The following PHKB variants were observed in gnomAD, a reference collection of about 807,000 sequenced individuals.
PHKB encodes the protein phosphorylase kinase regulatory subunit beta, also known as phosphorylase b kinase regulatory subunit beta.
A neutral mutation model predicts 152.1 loss-of-function variants in PHKB; 122 were observed. The ratio of observed to expected loss-of-function variants is 0.80; its 90% confidence interval spans 0.69 to 0.93. The LOEUF is 0.93. PHKB is among the 40% of genes least tolerant of loss of function. The probability of loss-of-function intolerance (pLI) is 0.00; values close to 1 mark genes in which losing one functional copy is unlikely to be tolerated. For synonymous variants in PHKB, 436 were observed against 464.9 expected (o/e 0.94, Z 0.80); for missense variants, 1,304 against 1,328.4 (o/e 0.98, Z 0.29).
intron 14 of PHKB, among the ~76,000 whole-genome samples, chr16:47,613,373 C>T (rs1172364443): frequency 6.6e-6 from 1 of 152,112 alleles, no homozygotes; most frequent in Non-Finnish European, 1.5e-5. Context: ...TGTTGCCAAC[C>T]AGGGAAGCTT....
chr16:47,669,161 TTTTTATC>T (rs932089716), intron 25 of PHKB, 47 bp from the exon 26 acceptor site: 2 of 1,417,362 alleles, frequency 1.4e-6, no homozygotes, highest in African/African-American at 2.8e-5. Flanking sequence ...TTTTTTTTAA[TTTTTATC>T]TTTTAGTAGC....
At chr16:47,655,962 C>T (rs1373674337) in intron 20 of PHKB, among the ~76,000 whole-genome samples, 1 of 151,928 alleles carries the variant, frequency 6.6e-6, no homozygotes, top group Non-Finnish European at 1.5e-5. Flanking sequence ...AGTTGTGTTT[C>T]AGAAATTATA....
At chr16:47,526,659 G>T (rs1384335928) in intron 6 of PHKB, among the ~76,000 whole-genome samples, 1 of 152,088 alleles carries the variant, frequency 6.6e-6, no homozygotes, top group Non-Finnish European at 1.5e-5. Context: ...TTATTTTATG[G>T]TTTTTCAAGA....
intron 14 of PHKB, among the ~76,000 whole-genome samples, chr16:47,629,432 A>T (rs1972779906): frequency 6.6e-6 from 1 of 152,110 alleles, no homozygotes; most frequent in Non-Finnish European, 1.5e-5. Flanking sequence ...AATGGTCATC[A>T]TCACTGGCCA....
At chr16:47,688,003 T>C (rs1044069611) in intron 26 of PHKB, among the ~76,000 whole-genome samples, 2 of 152,216 alleles carry the variant, frequency 1.3e-5, no homozygotes, top group Admixed American at 1.3e-4. Flanking sequence ...AGGACTTCAA[T>C]CTTTTGAATA....
intron 4 of PHKB, among the ~76,000 whole-genome samples, chr16:47,506,903 C>T (rs1970429254): frequency 6.6e-6 from 1 of 152,176 alleles, no homozygotes; most frequent in Non-Finnish European, 1.5e-5. Context: ...AGCTGTCATG[C>T]TCTGCTGGTT....
Position 47,526,378 on chromosome 16 carries a change from C to G in PHKB, c.594+10777C>G, listed in dbSNP as rs186842395. ...TGAGCCGAGATCGTGCCATTGCACT[C>G]CAGCCCGGGCGACAGAGTGAGATTC... On this transcript the variant is annotated intron_variant, in intron 6 of 30. Coordinates refer to ENST00000323584, the MANE Select transcript of PHKB (RefSeq NM_000293.3). Among the ~76,000 whole-genome samples the G allele has an allele frequency of 3.3e-5, 5 of 152,016 alleles. No homozygotes were observed. In the East Asian group the frequency reaches 7.7e-4, roughly 23 times the overall value.
At chr16:47,597,635 C>CG (rs1047903860) in intron 13 of PHKB, among the ~76,000 whole-genome samples, 5 of 146,036 alleles carry the variant, frequency 3.4e-5, no homozygotes, top group South Asian at 2.2e-4. Context: ...ATTTCCAAAG[C>CG]GGGGGGGAAA....
In PHKB at chr16:47,515,589, C is replaced by T. The variant is rs1430876983; in HGVS notation, c.582C>T (p.Tyr194=). ...EMISSGLQII[Y]NTDEVSFIQN... is the part of the protein sequence containing the mutation. The stretch of plus-strand genomic sequence containing the variant: ...TTTCCTCAGGACTCCAGATTATCTA[C>T]AACACTGATGAGGTATGCTTTCCCC... The change falls in exon 6 of 31, where the codon TAC becomes TAT. Residue 194 remains tyrosine (Y), a synonymous_variant. Transcript: ENST00000323584. 1.4e-6 allele frequency: 2 copies of T among 1,385,232 alleles called. No homozygotes were observed. The highest frequency in any genetic ancestry group is 2.3e-5 in the East Asian group (1 of 43,722). 85.8% of individuals were successfully genotyped at this position (1,385,232 alleles called of 1,614,324 possible).
chr16:47,688,820 A>G (rs2142101855), intron 26 of PHKB, among the ~76,000 whole-genome samples: 1 of 151,962 alleles, frequency 6.6e-6, no homozygotes, highest in Admixed American at 6.6e-5. Flanking sequence ...TTAATGTTGT[A>G]CAACCTCACC....
At chr16:47,645,505 T>A (rs1297788047) in intron 16 of PHKB, among the ~76,000 whole-genome samples, 1 of 128,856 alleles carries the variant, frequency 7.8e-6, no homozygotes, top group Non-Finnish European at 1.6e-5. Context: ...CTCAGGTTTG[T>A]CAAAGATCAG....
chr16:47,506,339 T>G (rs1970419289), intron 4 of PHKB, among the ~76,000 whole-genome samples: 1 of 152,214 alleles, frequency 6.6e-6, no homozygotes. Context: ...AAAAGTATAT[T>G]TATTCATAAG....
At chr16:47,572,280 C>G (rs1971674059) in intron 7 of PHKB, among the ~76,000 whole-genome samples, 1 of 152,180 alleles carries the variant, frequency 6.6e-6, no homozygotes, top group African/African-American at 2.4e-5. Context: ...AGAGAATACC[C>G]TTTCCACAGA....
chr16:47,558,589 G>A (rs1196005643), intron 7 of PHKB, among the ~76,000 whole-genome samples: 1 of 152,164 alleles, frequency 6.6e-6, no homozygotes, highest in Non-Finnish European at 1.5e-5. Flanking sequence ...TCACTCTGTT[G>A]CTCTGGCTGG....
intron 14 of PHKB, among the ~76,000 whole-genome samples, chr16:47,629,936 A>G (rs201294230): frequency 6.6e-6 from 1 of 150,978 alleles, no homozygotes; most frequent in East Asian, 2.0e-4. Flanking sequence ...AAAAAACCAA[A>G]CACCGCATAT....
At chr16:47,599,189 T>C (rs1357918438) in intron 13 of PHKB, among the ~76,000 whole-genome samples, 1 of 152,236 alleles carries the variant, frequency 6.6e-6, no homozygotes, top group Non-Finnish European at 1.5e-5. Flanking sequence ...GGATAAGAAT[T>C]TTAACATTAG....
At chr16:47,611,366 T>A (rs912984141) in intron 14 of PHKB, among the ~76,000 whole-genome samples, 4 of 152,142 alleles carry the variant, frequency 2.6e-5, no homozygotes, top group Admixed American at 6.5e-5. Context: ...ATTTTTACAT[T>A]TAGTAGCTAT....
At chr16:47,531,903 A>C (rs1187435267) in intron 6 of PHKB, among the ~76,000 whole-genome samples, 1 of 152,216 alleles carries the variant, frequency 6.6e-6, no homozygotes, top group African/African-American at 2.4e-5. Context: ...ATGCATACAC[A>C]CATAAAATCA....
intron 1 of PHKB, among the ~76,000 whole-genome samples, chr16:47,479,417 A>G (rs1487826945): frequency 1.3e-5 from 2 of 151,806 alleles, no homozygotes; most frequent in Non-Finnish European, 2.9e-5. Context: ...GGCATCTTCA[A>G]CATCTCACAC....
Sources: allele counts gnomAD v4.1 joint callset (sites outside exome capture counted in the v4.1 genomes callset), GRCh38; gene constraint gnomAD v4.1.1; transcripts MANE v1.5; gene names NCBI Gene and HGNC (gene_info 2026-07-23, HGNC 2026-07-21).